Variants in GATA4 observed in about 807,000 individuals in gnomAD.
GATA4 encodes GATA binding protein 4.
A neutral mutation model predicts 37.9 loss-of-function variants in GATA4; 7 were observed. The ratio of observed to expected loss-of-function variants is 0.18; its 90% CI spans 0.11 to 0.35. The LOEUF (loss-of-function observed/expected upper bound fraction) is 0.35. Among genes scored for constraint, GATA4 ranks in the 10% least tolerant of loss-of-function variants. The pLI, the probability that GATA4 is intolerant of heterozygous loss-of-function variation, is 1.00. For missense variants in GATA4, 647 were observed against 653.0 expected, an observed-to-expected ratio of 0.99 and a Z score of 0.10; for synonymous variants, 372 against 292.6, an observed-to-expected ratio of 1.27 and a Z score of -2.77.
Position 11,708,557 on chromosome 8 carries a change from C to T in GATA4, c.245C>T (p.Thr82Ile), listed in dbSNP as rs1260976795. The change falls in exon 2 of 7, where the codon ACC becomes ATC. Residue 82 changes from threonine (T) to isoleucine (I), a missense_variant. Around this residue, in one of 5 missense-constraint regions of GATA4, gnomAD observed 379 missense variants for 334.5 expected, o/e 1.13. Coordinates refer to ENST00000532059, the MANE Select transcript of GATA4 (RefSeq NM_001308093.3). This position sits in a 1 kb window ranked among gnomAD's most constrained non-coding sequence, Gnocchi z 6.7. ...GCCGCGTCTGGTGCGGGGCCCGGGACCCAGCAGGGCAGCCCGGGATGGAGC... is the reference window on the plus strand; with the variant it reads ...GCCGCGTCTGGTGCGGGGCCCGGGATCCAGCAGGGCAGCCCGGGATGGAGC... Reference protein sequence around the residue: ...GGAASGAGPGTQQGSPGWSQA... With the variant: ...GGAASGAGPGIQQGSPGWSQA... 7.2e-7 allele frequency: 1 copy of T among 1,392,112 alleles called. No individual in the cohort carries two copies. The highest frequency in any genetic ancestry group is 9.3e-7 in the Non-Finnish European group (1 of 1,080,096). The allele number at this position is 1,392,112 out of a possible 1,614,324, so 86.2% of individuals were successfully genotyped here. A position where few individuals can be genotyped will look rare whatever the true frequency, so the allele number is the denominator to read the frequency against.
At chr8:11,735,251 A>C (rs535411943) in intron 2 of GATA4, among the ~76,000 whole-genome samples, 1 of 152,262 alleles carries the variant, frequency 6.6e-6, no homozygotes, top group Non-Finnish European at 1.5e-5. Context: ...CATTCATGTA[A>C]ATCTTTAAAA....
Position 11,708,984 on chromosome 8 carries a change from A to T in GATA4, c.616+56A>T. 6.7e-7 allele frequency: 1 copy of T among 1,483,252 alleles called. No homozygotes were observed. The highest frequency in any genetic ancestry group is 8.9e-7 in the Non-Finnish European group (1 of 1,120,114). 91.9% of individuals were successfully genotyped at this position (1,483,252 alleles called of 1,614,324 possible). A position where few individuals can be genotyped will look rare whatever the true frequency, so the allele number is the denominator to read the frequency against. On this transcript the variant is annotated intron_variant, in intron 2 of 6. Transcript: ENST00000532059. This position sits in a 1 kb window ranked among gnomAD's most constrained non-coding sequence, Gnocchi z 6.7. ...GAGGGCCGGGGCAGGGGCCGTCTTG[A>T]GCCCTGTCGAGGGCCTCTTGTTTTT...
intron 1 of GATA4, chr8:11,680,621 C>T (rs1344944211): frequency 3.0e-6 from 3 of 985,324 alleles, no homozygotes; most frequent in Non-Finnish European, 3.6e-6. Flanking sequence ...GTGGCGTGAC[C>T]TCTTGCCACG....
rs980252090 is a variant in GATA4 at position 11,708,436 on chromosome 8, C to A, written c.124C>A (p.Pro42Thr). ...GTCCTCGCCAGTCTACGTGCCCACA[C>A]CGCGGGTGCCCTCCTCCGTGCTGGG... ...AASSPVYVPT[P>T]RVPSSVLGLS... is the part of the protein sequence containing the mutation. Residue 42 changes from proline to threonine, a missense_variant, in exon 2 of 7, where the codon CCG becomes ACG. Transcript: ENST00000532059. The surrounding 1 kb of genome is among the most constrained non-coding windows in gnomAD (Gnocchi z 6.7). The A allele has an allele frequency of 2.6e-6, 4 of 1,534,162 alleles. No individual in the cohort carries two copies. In the African/African-American group the frequency reaches 5.5e-5, roughly 21 times the overall value.
chr8:11,739,584 G>A (rs920624696), intron 2 of GATA4, among the ~76,000 whole-genome samples: 1 of 151,458 alleles, frequency 6.6e-6, no homozygotes, highest in Non-Finnish European at 1.5e-5. Context: ...ATTATATTGT[G>A]TGTCCAGGAA....
At chr8:11,730,790 G>A (rs1041547437) in intron 2 of GATA4, among the ~76,000 whole-genome samples, 1 of 152,234 alleles carries the variant, frequency 6.6e-6, no homozygotes, top group Non-Finnish European at 1.5e-5. Flanking sequence ...ATGGGCAGGA[G>A]AAGAAACCCA....
In GATA4 at chr8:11,749,077, C is replaced by T. The variant is rs1437389442; in HGVS notation, c.778C>T (p.Arg260Cys). 3.1e-6 allele frequency: 5 copies of T among 1,614,154 alleles called. No individual in the cohort carries two copies. The highest frequency in any genetic ancestry group is 1.7e-6 in the Non-Finnish European group (2 of 1,180,012). Reference protein sequence around the residue: ...GINRPLIKPQRRLSASRRVGL... With the variant: ...GINRPLIKPQCRLSASRRVGL... ...CAACCGGCCGCTCATCAAGCCTCAG[C>T]GCCGGCTGGTAAGCACGTGCCTCGC... The change falls in exon 3 of 7, where the codon CGC becomes TGC. Residue 260 changes from arginine (R) to cysteine (C), a missense_variant. Arg to Cys is a radical substitution (Grantham distance 180). This residue lies in a region of GATA4 where 56 missense variants were observed against 64.5 expected (regional missense o/e 0.87). Transcript: ENST00000532059. The surrounding 1 kb of genome is among the most constrained non-coding windows in gnomAD (Gnocchi z 4.6).
chr8:11,754,985 C>G, intron 4 of GATA4, 61 bp from the exon 5 acceptor site: 1 of 1,344,890 alleles, frequency 7.4e-7, no homozygotes, highest in Non-Finnish European at 1.1e-6. Flanking sequence ...GTGTGTCTTT[C>G]AATGCTGTAG....
upstream of GATA4, among the ~76,000 whole-genome samples, chr8:11,689,157 T>G (rs1266451118): frequency 1.3e-5 from 2 of 152,122 alleles, no homozygotes; most frequent in African/African-American, 2.4e-5. Context: ...TCACTGTCCC[T>G]CCCCAGGGAT....
chr8:11,705,380 G>GC (rs1799848629), intron 1 of GATA4, among the ~76,000 whole-genome samples: 1 of 152,242 alleles, frequency 6.6e-6, no homozygotes, highest in Non-Finnish European at 1.5e-5. Context: ...CTCGCTGCAG[G>GC]CCGAGAGCGG....
At position 11,708,273 on chromosome 8, in the gene GATA4, G is replaced by T. The variant is rs2130065965; in HGVS notation, c.-40G>T. 6.4e-7 allele frequency: 1 copy of T among 1,551,828 alleles called. No homozygotes were observed. Among genetic ancestry groups the T allele is most frequent in the East Asian group, 2.3e-5 (1 of 42,696 alleles). On this transcript the variant is annotated 5_prime_UTR_variant, in exon 2 of 7. It adds an upstream start codon to the 5' untranslated region. Coordinates refer to ENST00000532059, the MANE Select transcript of GATA4 (RefSeq NM_001308093.3). This position sits in a 1 kb window ranked among gnomAD's most constrained non-coding sequence, Gnocchi z 6.7. ...CCCCGCGTGGCTCCTTGACCTGCGAGGGAGAGAGAGGACACCGAAGCCGGG... is the reference window on the plus strand; with the variant it reads ...CCCCGCGTGGCTCCTTGACCTGCGATGGAGAGAGAGGACACCGAAGCCGGG...
chr8:11,734,409 C>A (rs1469855411), intron 2 of GATA4, among the ~76,000 whole-genome samples: 2 of 152,210 alleles, frequency 1.3e-5, no homozygotes, highest in African/African-American at 4.8e-5. Context: ...GGTGAGAGAC[C>A]CAAGCCTGCT....
intron 2 of GATA4, among the ~76,000 whole-genome samples, chr8:11,711,538 G>A (rs1393570181): frequency 1.3e-5 from 2 of 152,132 alleles, no homozygotes; most frequent in East Asian, 1.9e-4. Flanking sequence ...AGCACTTTGG[G>A]AGGCTGAGGC....
intron 1 of GATA4, among the ~76,000 whole-genome samples, chr8:11,686,835 T>C (rs528914049): frequency 1.3e-5 from 2 of 152,148 alleles, no homozygotes; most frequent in Admixed American, 1.3e-4. Flanking sequence ...CCGTTTCTAC[T>C]AAAAATACAA....
upstream of GATA4, among the ~76,000 whole-genome samples, chr8:11,688,784 G>A (rs565772685): frequency 6.6e-6 from 1 of 152,290 alleles, no homozygotes; most frequent in East Asian, 1.9e-4. Flanking sequence ...CAGAAAATAA[G>A]ACAAAGAATT....
chr8:11,712,682 C>G (rs1044479922), intron 2 of GATA4, among the ~76,000 whole-genome samples: 1 of 138,232 alleles, frequency 7.2e-6, no homozygotes, highest in African/African-American at 2.9e-5. Flanking sequence ...ATAGTGAGAC[C>G]ACATCTCTAA....
chr8:11,758,011 C>T (rs1321501324), intron 6 of GATA4, among the ~76,000 whole-genome samples: 1 of 152,204 alleles, frequency 6.6e-6, no homozygotes, highest in East Asian at 1.9e-4. Context: ...AAAGTGTCTC[C>T]TGTAACCATC....
chr8:11,757,037 A>C lies in GATA4; in HGVS notation c.1103A>C (p.Glu368Ala). Reference protein sequence around the residue: ...SSEEMRPIKTEPGLSSHYGHS... With the variant: ...SSEEMRPIKTAPGLSSHYGHS... ...GAGGAGATGCGTCCCATCAAGACGGAGCCTGGCCTGTCATCTCACTACGGG... is the reference window on the plus strand; with the variant it reads ...GAGGAGATGCGTCCCATCAAGACGGCGCCTGGCCTGTCATCTCACTACGGG... The change falls in exon 6 of 7, where the codon GAG becomes GCG. Residue 368 changes from glutamate to alanine, a missense_variant. Glu to Ala is a moderately radical substitution (Grantham distance 107). This residue lies in a region of GATA4 where 184 missense variants were observed against 157.1 expected (regional missense o/e 1.17). Coordinates refer to ENST00000532059, the MANE Select transcript of GATA4 (RefSeq NM_001308093.3). The C allele has an allele frequency of 6.2e-7, 1 of 1,614,192 alleles. No homozygotes were observed. Among genetic ancestry groups the C allele is most frequent in the Non-Finnish European group, 8.5e-7 (1 of 1,180,040 alleles).
Position 11,723,314 on chromosome 8 carries a change from C to G in GATA4, c.616+14386C>G, listed in dbSNP as rs192062986. On this transcript the variant is annotated intron_variant, in intron 2 of 6. Transcript: ENST00000532059. ...GAGGCTGCAGTGACTCATGGTCCAA[C>G]CACTGCAATCAGCAAGACCCTGTGT... Among the ~76,000 whole-genome samples the G allele has an allele frequency of 1.2e-3, 186 of 151,868 alleles. 1 individual carries two copies. The highest frequency in any genetic ancestry group is 4.3e-3 in the African/African-American group (179 of 41,412).
Sources: allele counts gnomAD v4.1 joint callset (sites outside exome capture counted in the v4.1 genomes callset), GRCh38; gene constraint gnomAD v4.1.1; regional missense constraint gnomAD v4.1.1; non-coding constraint Gnocchi (gnomAD v3.1); transcripts MANE v1.5; gene names NCBI Gene and HGNC (gene_info 2026-07-23, HGNC 2026-07-21).